The following ENTPD6 variants were observed in gnomAD, a reference collection of about 807,000 sequenced individuals.
ENTPD6 encodes the protein ectonucleoside triphosphate diphosphohydrolase 6.
Under a neutral mutation model 61.5 loss-of-function variants are expected in ENTPD6, and 46 were observed. That is an observed-to-expected ratio of 0.75 (90% CI 0.59 to 0.96). The LOEUF is 0.96. Among genes scored for constraint, ENTPD6 ranks in the 40% least tolerant of loss-of-function variants. ENTPD6 has a pLI of 0.00. For missense variants in ENTPD6, 612 were observed against 629.0 expected (o/e 0.97, Z 0.29); for synonymous variants, 252 against 255.5 (o/e 0.99, Z 0.13).
intron 11 of ENTPD6, 193 bp from the exon 12 acceptor site, chr20:25,222,645 C>T: frequency 1.6e-6 from 1 of 618,392 alleles, no homozygotes; most frequent in Middle Eastern, 4.6e-4. Flanking sequence ...CCAACAATGC[C>T]CTGGCTCCTG....
chr20:25,218,792 G>T (rs2092490146), intron 10 of ENTPD6, among the ~76,000 whole-genome samples, 178 bp downstream of exon 10: 1 of 152,264 alleles, frequency 6.6e-6, no homozygotes, highest in Non-Finnish European at 1.5e-5. Context: ...GGGCATGCGA[G>T]TGGAGGGGTG....
At chr20:25,213,168 C>G in intron 4 of ENTPD6, 95 bp from the exon 5 acceptor site, 1 of 1,479,834 alleles carries the variant, frequency 6.8e-7, no homozygotes, top group Admixed American at 1.7e-5. Flanking sequence ...GACTCTGTCT[C>G]CAGAAACCAA....
At chr20:25,213,821 A>G (rs886723838) in intron 5 of ENTPD6, among the ~76,000 whole-genome samples, 1 of 152,196 alleles carries the variant, frequency 6.6e-6, no homozygotes, top group African/African-American at 2.4e-5. Context: ...ATTGTGGCGC[A>G]TGCCTGTCAT....
intron 1 of ENTPD6, chr20:25,197,367 C>G (rs2090554885): frequency 2.4e-6 from 1 of 419,882 alleles, no homozygotes; most frequent in Non-Finnish European, 3.2e-6. Flanking sequence ...AGCCACACCT[C>G]TCTGTTTGCC....
rs368431367 is a variant in ENTPD6 at position 25,199,001 on chromosome 20, T to C, written c.-16+3134T>C. 1.9e-4 allele frequency among the ~76,000 whole-genome samples: 29 copies of C among 152,354 alleles called. No homozygotes were observed. The South Asian group carries it at 2.1e-3, about 11-fold the overall frequency. ...CCATCACCCAGTCCTGTGGCATCTA[T>C]GATGCCTGCATCTTCCTCCTACTGC... On this transcript the variant is annotated intron_variant, in intron 1 of 14. Coordinates refer to ENST00000376652, the MANE Select transcript of ENTPD6 (RefSeq NM_001247.5).
intron 1 of ENTPD6, among the ~76,000 whole-genome samples, chr20:25,198,481 C>CAAA (rs3216638): frequency 1.5e-5 from 2 of 134,642 alleles, no homozygotes; most frequent in African/African-American, 5.6e-5. Flanking sequence ...GACTCTGTCT[C>CAAA]AAAAAAAAAA....
intron 7 of ENTPD6, among the ~76,000 whole-genome samples, chr20:25,216,182 T>G (rs1307705551): frequency 6.6e-6 from 1 of 152,220 alleles, no homozygotes; most frequent in African/African-American, 2.4e-5. Context: ...TTTTGTCCCT[T>G]TGCTGGAATT....
chr20:25,206,995 C>G, intron 2 of ENTPD6, 81 bp from the exon 3 acceptor site: 1 of 1,296,804 alleles, frequency 7.7e-7, no homozygotes, highest in Non-Finnish European at 1.1e-6. Context: ...AACATTTTGT[C>G]CCTGGGCCTG....
At chr20:25,220,025 G>A (rs901298605) in intron 10 of ENTPD6, among the ~76,000 whole-genome samples, 4 of 152,162 alleles carry the variant, frequency 2.6e-5, no homozygotes, top group Non-Finnish European at 5.9e-5. Context: ...CCAGGGAGTC[G>A]TGGCTCAGAC....
chr20:25,214,820 C>A, intron 5 of ENTPD6, 47 bp from the exon 6 acceptor site: 3 of 1,076,394 alleles, frequency 2.8e-6, no homozygotes, highest in Non-Finnish European at 4.3e-6. Context: ...TAAATATATT[C>A]ATTCATTCAT....
chr20:25,222,570 TTCC>T (rs1319276634), intron 11 of ENTPD6: 15 of 401,390 alleles, frequency 3.7e-5, no homozygotes, highest in Non-Finnish European at 6.3e-5. Context: ...CATCAGCAGC[TTCC>T]TCCTCAGAGT....
In ENTPD6 at chr20:25,209,924, AGGTAAG is replaced by A. The variant is rs749202051; in HGVS notation, c.453+1_453+6del. Reference sequence around the variant, plus strand: ...TCTGCCTATGCTGATGATGTTGAAAAGGTAAGGATCCTCTCCCGTGTCTCCCTGTTC... The same window carrying A: ...TCTGCCTATGCTGATGATGTTGAAAAGATCCTCTCCCGTGTCTCCCTGTTC... On this transcript the variant is annotated splice_donor_variant and splice_donor_5th_base_variant and coding_sequence_variant and intron_variant, in exon 4 of 15. Coordinates refer to ENST00000376652, the MANE Select transcript of ENTPD6 (RefSeq NM_001247.5). LOFTEE classifies it high-confidence loss of function. 1.2e-6 allele frequency: 2 copies of A among 1,613,348 alleles called. No homozygotes were observed. The highest frequency in any genetic ancestry group is 2.7e-5 in the African/African-American group (2 of 74,940).
intron 1 of ENTPD6, among the ~76,000 whole-genome samples, chr20:25,204,727 G>A (rs773968229): frequency 4.6e-5 from 7 of 152,186 alleles, no homozygotes; most frequent in Non-Finnish European, 7.3e-5. Flanking sequence ...AGAAAGGTCC[G>A]CTCTGCTCCC....
intron 1 of ENTPD6, among the ~76,000 whole-genome samples, chr20:25,197,794 T>C (rs2090620894): frequency 6.6e-6 from 1 of 152,274 alleles, no homozygotes; most frequent in Non-Finnish European, 1.5e-5. Flanking sequence ...CTTGCTTTTG[T>C]CTTCCTGAAC....
At position 25,207,095 on chromosome 20, in the gene ENTPD6, G is replaced by A; in HGVS notation, c.74G>A (p.Trp25Ter). The A allele has an allele frequency of 2.5e-6, 4 of 1,611,308 alleles. No homozygotes were observed. Among genetic ancestry groups the A allele is most frequent in the Non-Finnish European group, 3.4e-6 (4 of 1,177,878 alleles). ...CACCAGCAGCCGCAGCACGGTCCTT[G>A]GCAAACAAGGATGAGAAAAATATCC... ...YIFQQPQHGP[W>*]QTRMRKISNH... The change falls in exon 3 of 15, where the codon TGG (tryptophan) becomes TAG (stop). Residue 25 changes from tryptophan (W) to a stop codon, truncating the protein, a stop_gained. Coordinates refer to ENST00000376652, the MANE Select transcript of ENTPD6 (RefSeq NM_001247.5). LOFTEE classifies it high-confidence loss of function.
rs78401572 is a variant in ENTPD6 at position 25,213,001 on chromosome 20, G to A, written c.454-262G>A. ...ATTACAGGCGTAAGCCACCGTGCCC[G>A]GCCAGAAGTTTTTAAAAATTAGTCG... On this transcript the variant is annotated intron_variant, in intron 4 of 14. Coordinates refer to ENST00000376652, the MANE Select transcript of ENTPD6 (RefSeq NM_001247.5). 7.2e-3 allele frequency among the ~76,000 whole-genome samples: 1,090 copies of A among 152,278 alleles called. 8 individuals carry two copies. Among genetic ancestry groups the A allele is most frequent in the African/African-American group, 0.024 (999 of 41,562 alleles).
Position 25,217,570 on chromosome 20 carries a change from C to T in ENTPD6, c.867C>T (p.Leu289=), listed in dbSNP as rs746526339. Residue 289 remains leucine (L), a synonymous_variant, in exon 9 of 15, where the codon CTC becomes CTT. Coordinates refer to ENST00000376652, the MANE Select transcript of ENTPD6 (RefSeq NM_001247.5). The part of the protein sequence containing the change: ...ALRMFNRTYK[L]YSYSYLGLGL... ...GGATGTTTAACAGGACCTACAAGCT[C>T]TATTCCTACAGGTCTGCTTTCGGGA... The T allele has an allele frequency of 2.5e-6, 4 of 1,614,166 alleles. No homozygotes were observed. In the Admixed American group the frequency reaches 5.0e-5, roughly 20 times the overall value.
At chr20:25,223,614 G>C (rs1336799273) in intron 12 of ENTPD6, among the ~76,000 whole-genome samples, 1 of 152,064 alleles carries the variant, frequency 6.6e-6, no homozygotes, top group Non-Finnish European at 1.5e-5. Flanking sequence ...TGCTGACAAA[G>C]CTACCACTGA....
chr20:25,216,168 G>T (rs1170914878), intron 7 of ENTPD6, among the ~76,000 whole-genome samples: 14 of 152,220 alleles, frequency 9.2e-5, no homozygotes. Context: ...AGTGCATGTG[G>T]ATTTTTTGTC....
Sources: allele counts gnomAD v4.1 joint callset (sites outside exome capture counted in the v4.1 genomes callset), GRCh38; gene constraint gnomAD v4.1.1; transcripts MANE v1.5; gene names NCBI Gene and HGNC (gene_info 2026-07-23, HGNC 2026-07-21).